JMY: variants seen among roughly 807,000 people sequenced by gnomAD.
The protein encoded by JMY is junction mediating and regulatory protein, p53 cofactor, also known as junction-mediating and -regulatory protein.
A neutral mutation model predicts 103.3 loss-of-function variants in JMY; 46 were observed. The ratio of observed to expected loss-of-function variants is 0.45; its 90% CI spans 0.35 to 0.57. The LOEUF (loss-of-function observed/expected upper bound fraction) is 0.57, where lower values mean the gene tolerates loss of function less well. JMY is among the 20% of genes least tolerant of loss of function. The pLI, the probability that JMY is intolerant of heterozygous loss-of-function variation, is 0.00. For synonymous variants in JMY, 526 were observed against 489.3 expected, an observed-to-expected ratio of 1.07 and a Z score of -0.99; for missense variants, 1,238 against 1,255.2, an observed-to-expected ratio of 0.99 and a Z score of 0.21.
Position 79,323,619 on chromosome 5 carries a change from T to A in JMY, c.*2017T>A, listed in dbSNP as rs1384215314. The A allele has an allele frequency of 6.6e-6, 1 of 152,270 alleles. No homozygotes were observed. 9.4% of individuals were successfully genotyped at this position (152,270 alleles called of 1,614,324 possible). On this transcript the variant is annotated 3_prime_UTR_variant, in exon 11 of 11. Transcript: ENST00000396137. Reference sequence around the variant, plus strand: ...TTCATATATCCAGTTCTTTGGGTGCTGGTTCACTTTTTTTCATTTATTCAA... The same window carrying A: ...TTCATATATCCAGTTCTTTGGGTGCAGGTTCACTTTTTTTCATTTATTCAA...
At chr5:79,289,166 C>T (rs890303296) in intron 2 of JMY, among the ~76,000 whole-genome samples, 7 of 146,250 alleles carry the variant, frequency 4.8e-5, no homozygotes, top group South Asian at 2.2e-4. Context: ...ACCTGGGAGG[C>T]GGAGGTTGCA....
chr5:79,284,959 A>G (rs1160254272), intron 2 of JMY: 2 of 1,352,646 alleles, frequency 1.5e-6, no homozygotes, highest in Admixed American at 1.9e-5. Flanking sequence ...CTTTCAAATG[A>G]AAGTAAAATG....
At chr5:79,263,204 T>G (rs1403692161) in intron 1 of JMY, among the ~76,000 whole-genome samples, 1 of 152,156 alleles carries the variant, frequency 6.6e-6, no homozygotes, top group Non-Finnish European at 1.5e-5. Context: ...AAGCGAAGTA[T>G]AAGATAAAGG....
Position 79,326,333 on chromosome 5 carries a change from A to G in JMY, c.*4731A>G, listed in dbSNP as rs1220001422. 1 of 102,668 alleles carries G rather than the reference A, an allele frequency of 9.7e-6. No individual in the cohort carries two copies. The highest frequency in any genetic ancestry group is 1.9e-5 in the Non-Finnish European group (1 of 52,862). 6.4% of individuals were successfully genotyped at this position (102,668 alleles called of 1,614,324 possible). On this transcript the variant is annotated 3_prime_UTR_variant, in exon 11 of 11. Transcript: ENST00000396137. ...TTACAGAGTTCAGTTTTAACAAGGG[A>G]AATTTGGGGATTTTTTTTTTTTTTA...
intron 1 of JMY, among the ~76,000 whole-genome samples, chr5:79,273,991 T>C (rs992674436): frequency 7.2e-5 from 11 of 151,942 alleles, no homozygotes; most frequent in Non-Finnish European, 1.3e-4. Context: ...CCACCATGCC[T>C]GGCTAATTTT....
intron 3 of JMY, 131 bp from the exon 4 acceptor site, chr5:79,290,999 G>GA: frequency 1.6e-6 from 1 of 618,456 alleles, no homozygotes; most frequent in East Asian, 3.3e-5. Flanking sequence ...AAGAAAAAAA[G>GA]AAAAAAGTTA....
At chr5:79,286,384 T>C (rs922377071) in intron 2 of JMY, among the ~76,000 whole-genome samples, 2 of 152,302 alleles carry the variant, frequency 1.3e-5, no homozygotes, top group Non-Finnish European at 2.9e-5. Context: ...CTCACACCTG[T>C]AATCCCAGCA....
intron 9 of JMY, among the ~76,000 whole-genome samples, chr5:79,315,080 A>G (rs1747175252): frequency 6.6e-6 from 1 of 152,160 alleles, no homozygotes; most frequent in South Asian, 2.1e-4. Flanking sequence ...CTAAAGTGAT[A>G]CATTCATGTT....
chr5:79,256,751 C>T (rs1745255782), intron 1 of JMY, among the ~76,000 whole-genome samples: 1 of 151,820 alleles, frequency 6.6e-6, no homozygotes, highest in Non-Finnish European at 1.5e-5. Context: ...GACCTTCCTG[C>T]CTTCCTCCCT....
At chr5:79,259,420 G>A (rs536185990) in intron 1 of JMY, among the ~76,000 whole-genome samples, 1 of 152,330 alleles carries the variant, frequency 6.6e-6, no homozygotes, top group East Asian at 1.9e-4. Flanking sequence ...TCCCACCCCA[G>A]TCAGTAGGAT....
At chr5:79,278,488 A>C (rs1746012273) in intron 2 of JMY, among the ~76,000 whole-genome samples, 1 of 143,298 alleles carries the variant, frequency 7.0e-6, no homozygotes, top group Non-Finnish European at 1.5e-5. Context: ...GTGGTGCCTC[A>C]CACCCGTAGT....
At position 79,316,176 on chromosome 5, in the gene JMY, T is replaced by C. The variant is rs759480138; in HGVS notation, c.2836T>C (p.Ser946Pro). Reference protein sequence around the residue: ...KKVQKDVLRESFTLLPDTDPL... With the variant: ...KKVQKDVLREPFTLLPDTDPL... Reference sequence around the variant, plus strand: ...GGTACAGAAGGATGTTTTGAGAGAATCCTTCACACTTCTACCCGATACAGA... The same window carrying C: ...GGTACAGAAGGATGTTTTGAGAGAACCCTTCACACTTCTACCCGATACAGA... Residue 946 changes from serine to proline, a missense_variant, in exon 10 of 11, where the codon TCC becomes CCC. Physicochemically the swap from Ser to Pro is moderately conservative, Grantham distance 74. Transcript: ENST00000396137. 1 of 1,613,988 alleles carries C rather than the reference T, an allele frequency of 6.2e-7. No homozygotes were observed. Among genetic ancestry groups the C allele is most frequent in the African/African-American group, 1.3e-5 (1 of 74,902 alleles).
Position 79,237,557 on chromosome 5 carries a change from A to C in JMY, c.907A>C (p.Lys303Gln). 6.2e-7 allele frequency: 1 copy of C among 1,613,594 alleles called. No individual in the cohort carries two copies. Among genetic ancestry groups the C allele is most frequent in the Non-Finnish European group, 8.5e-7 (1 of 1,179,996 alleles). ...CCACGGCCTGGACACCTGCGGCTGG[A>C]AGATCCTCTCCCAGGTGCTCTTCAC... Reference protein sequence around the residue: ...LGHGLDTCGWKILSQVLFTET... With the variant: ...LGHGLDTCGWQILSQVLFTET... The change falls in exon 1 of 11, where the codon AAG becomes CAG. Residue 303 changes from lysine to glutamine, a missense_variant. Transcript: ENST00000396137.
At chr5:79,248,600 C>T (rs1158801780) in intron 1 of JMY, among the ~76,000 whole-genome samples, 8 of 151,982 alleles carry the variant, frequency 5.3e-5, no homozygotes, top group Admixed American at 1.3e-4. Flanking sequence ...TGAGCCACCG[C>T]GCCGGCCTCC....
rs1747580459 is a variant in JMY, at chr5:79,324,842, C to G, written c.*3240C>G. On this transcript the variant is annotated 3_prime_UTR_variant, in exon 11 of 11. Transcript: ENST00000396137. ...TAATAGTGGGAATAGAAATGTAGAG[C>G]TTTTCTCATAACACAAAACCAGAAA... The G allele has an allele frequency of 6.6e-6, 1 of 152,554 alleles. No homozygotes were observed. Among genetic ancestry groups the G allele is most frequent in the Non-Finnish European group, 1.5e-5 (1 of 68,002 alleles). 9.5% of individuals were successfully genotyped at this position (152,554 alleles called of 1,614,324 possible).
intron 5 of JMY, 56 bp downstream of exon 5, chr5:79,300,374 A>G: frequency 7.1e-7 from 1 of 1,416,282 alleles, no homozygotes; most frequent in Non-Finnish European, 9.4e-7. Flanking sequence ...ATGAGAAAAT[A>G]CTTATGGACT....
At chr5:79,302,839 A>C (rs1224506452) in intron 6 of JMY, among the ~76,000 whole-genome samples, 1 of 152,216 alleles carries the variant, frequency 6.6e-6, no homozygotes, top group Non-Finnish European at 1.5e-5. Flanking sequence ...CCACCTCAAT[A>C]AGGTTGAGAG....
intron 1 of JMY, among the ~76,000 whole-genome samples, chr5:79,249,480 A>G (rs1315442513): frequency 1.3e-5 from 2 of 152,210 alleles, no homozygotes; most frequent in Non-Finnish European, 2.9e-5. Context: ...GGCTCCCTGT[A>G]TAGCCTTGGA....
chr5:79,286,693 G>A (rs1053217892), intron 2 of JMY, among the ~76,000 whole-genome samples: 2 of 151,796 alleles, frequency 1.3e-5, no homozygotes, highest in African/African-American at 4.8e-5. Context: ...TCGATAAATG[G>A]TACATGGACT....
Sources: gnomAD v4.1 joint callset for allele counts (sites outside exome capture counted in the v4.1 genomes callset) on GRCh38, gnomAD v4.1.1 for gene constraint, MANE v1.5 for transcripts, NCBI Gene and HGNC (gene_info 2026-07-23, HGNC 2026-07-21) for gene names.